ZNF804B: variants seen among roughly 807,000 people sequenced by gnomAD.
The protein encoded by ZNF804B is zinc finger protein 804B, also known as zinc finger 804B.
In ZNF804B, 80 loss-of-function variants were observed where a neutral mutation model predicts 101.4. The ratio of observed to expected loss-of-function variants is 0.79; its 90% confidence interval spans 0.66 to 0.95. The LOEUF is 0.95. Among genes scored for constraint, ZNF804B ranks in the 40% least tolerant of loss-of-function variants. The pLI is 0.00. For missense variants in ZNF804B, 1,673 were observed against 1,561.9 expected (o/e 1.07, Z -1.20); for synonymous variants, 622 against 558.8 (o/e 1.11, Z -1.59).
At chr7:88,837,134 A>G (rs1377797658) in intron 1 of ZNF804B, among the ~76,000 whole-genome samples, 1 of 151,950 alleles carries the variant, frequency 6.6e-6, no homozygotes, top group East Asian at 1.9e-4. Flanking sequence ...GTTGAGAGCT[A>G]AACAATCCCC....
chr7:88,854,114 C>T (rs949349328), intron 1 of ZNF804B, among the ~76,000 whole-genome samples: 1 of 152,064 alleles, frequency 6.6e-6, no homozygotes, highest in Non-Finnish European at 1.5e-5. Context: ...TTTCTTGGGT[C>T]TATCAACATA....
chr7:88,896,738 A>C (rs2115942237), intron 1 of ZNF804B, among the ~76,000 whole-genome samples: 1 of 152,270 alleles, frequency 6.6e-6, no homozygotes, highest in East Asian at 1.9e-4. Flanking sequence ...GCTATAATTG[A>C]TTTGGAATTG....
chr7:89,083,392 A>T (rs1250376429), intron 1 of ZNF804B, among the ~76,000 whole-genome samples: 1 of 151,676 alleles, frequency 6.6e-6, no homozygotes, highest in African/African-American at 2.4e-5. Context: ...CTCCAAATGC[A>T]CTCTCTTGGT....
chr7:89,005,078 T>G (rs1788352776), intron 1 of ZNF804B, among the ~76,000 whole-genome samples: 1 of 152,042 alleles, frequency 6.6e-6, no homozygotes, highest in African/African-American at 2.4e-5. Flanking sequence ...TCATCTTTTC[T>G]TACTAATCCT....
intron 1 of ZNF804B, among the ~76,000 whole-genome samples, chr7:88,913,876 C>T (rs1792589855): frequency 6.6e-6 from 1 of 152,176 alleles, no homozygotes; most frequent in African/African-American, 2.4e-5. Flanking sequence ...TTTGTGAATG[C>T]CTGAGGATTG....
At chr7:89,314,133 C>A (rs1486591358) in intron 2 of ZNF804B, among the ~76,000 whole-genome samples, 1 of 152,040 alleles carries the variant, frequency 6.6e-6, no homozygotes, top group African/African-American at 2.4e-5. Context: ...ACCCTGATAA[C>A]AAATCACATT....
rs530400182 is a variant in ZNF804B at position 88,875,594 on chromosome 7, C to T, written c.108+115510C>T. On this transcript the variant is annotated intron_variant, in intron 1 of 3. Transcript: ENST00000333190. Reference sequence around the variant, plus strand: ...ATAAATTCCTCGACACATACACTCTCCCAAGACTAAACCAGGAAGAAGTTG... The same window carrying T: ...ATAAATTCCTCGACACATACACTCTTCCAAGACTAAACCAGGAAGAAGTTG... Among the ~76,000 whole-genome samples the T allele has an allele frequency of 3.5e-3, 536 of 152,022 alleles. 5 individuals are homozygous for T. The highest frequency in any genetic ancestry group is 1.0e-2 in the South Asian group (48 of 4,812).
intron 2 of ZNF804B, among the ~76,000 whole-genome samples, chr7:89,220,132 C>CAT (rs1342393963): frequency 5.6e-5 from 2 of 35,408 alleles, no homozygotes; most frequent in East Asian, 6.6e-4. Flanking sequence ...TATACGCACA[C>CAT]ATATATGTGT....
At chr7:89,145,332 A>G (rs1790776427) in intron 1 of ZNF804B, among the ~76,000 whole-genome samples, 2 of 152,076 alleles carry the variant, frequency 1.3e-5, no homozygotes, top group Admixed American at 6.6e-5. Context: ...GAGTAGAACC[A>G]TAGCTATTTC....
chr7:88,948,864 T>C (rs1286942010), intron 1 of ZNF804B, among the ~76,000 whole-genome samples: 2 of 151,992 alleles, frequency 1.3e-5, no homozygotes, highest in Non-Finnish European at 2.9e-5. Context: ...TTTTGAGTCC[T>C]GTTTAGGAAA....
rs537676829 is a variant in ZNF804B, at chr7:89,198,899, T to C, written c.109-19256T>C. Among the ~76,000 whole-genome samples, 168 of 152,074 alleles carry C rather than the reference T, an allele frequency of 1.1e-3. 4 individuals carry two copies. In the South Asian group the frequency reaches 0.033, roughly 30 times the overall value. On this transcript the variant is annotated intron_variant, in intron 1 of 3. Coordinates refer to ENST00000333190, the MANE Select transcript of ZNF804B (RefSeq NM_181646.5). The stretch of plus-strand genomic sequence containing the variant: ...GCCTGTTTTCAGTAAGGAAAATGTA[T>C]GTTTAATGCAAAGAACATTATTTCT...
intron 1 of ZNF804B, among the ~76,000 whole-genome samples, chr7:88,988,418 C>G (rs917133566): frequency 2.6e-5 from 4 of 152,054 alleles, no homozygotes; most frequent in African/African-American, 9.7e-5. Context: ...CATATAATGA[C>G]ACTTGATCAG....
intron 1 of ZNF804B, among the ~76,000 whole-genome samples, chr7:88,815,620 A>G (rs141152297): frequency 7.6e-4 from 116 of 151,926 alleles, no homozygotes; most frequent in Middle Eastern, 3.4e-3. Context: ...CTCCTTCCCA[A>G]TGTCCTCCTT....
At chr7:89,075,195 T>C (rs1211054156) in intron 1 of ZNF804B, among the ~76,000 whole-genome samples, 7 of 152,164 alleles carry the variant, frequency 4.6e-5, no homozygotes, top group Non-Finnish European at 1.5e-5. Context: ...GCATAAGTAA[T>C]GAGGAGCCAA....
chr7:88,908,502 AACTG>A (rs1225112507), intron 1 of ZNF804B, among the ~76,000 whole-genome samples: 7 of 151,866 alleles, frequency 4.6e-5, no homozygotes, highest in African/African-American at 1.4e-4. Context: ...ATGGGTTTCA[AACTG>A]ACCAAAAATA....
chr7:88,978,827 C>G (rs949562102), intron 1 of ZNF804B, among the ~76,000 whole-genome samples: 6 of 148,810 alleles, frequency 4.0e-5, no homozygotes, highest in African/African-American at 1.5e-4. Flanking sequence ...TCCCTCCTTC[C>G]TTCCTTCTTT....
chr7:88,978,049 T>A (rs1793641102), intron 1 of ZNF804B, among the ~76,000 whole-genome samples: 1 of 151,836 alleles, frequency 6.6e-6, no homozygotes, highest in African/African-American at 2.4e-5. Context: ...TCAAAGTTTC[T>A]CTTGTCATTG....
Position 89,335,411 on chromosome 7 carries a change from T to G in ZNF804B, c.2429T>G (p.Leu810Arg), listed in dbSNP as rs781747421. ...RYCHCRERQKLGKNQQQFSGL... is the reference protein window; with the variant it reads ...RYCHCRERQKRGKNQQQFSGL... ...TGTCACTGCAGAGAAAGACAAAAAC[T>G]GGGCAAAAATCAACAACAATTTTCA... Residue 810 changes from leucine to arginine, a missense_variant, in exon 4 of 4, where the codon CTG (leucine) becomes CGG (arginine). Leu to Arg is a moderately radical substitution (Grantham distance 102). Transcript: ENST00000333190. The G allele has an allele frequency of 6.2e-7, 1 of 1,613,652 alleles. No homozygotes were observed. Among genetic ancestry groups the G allele is most frequent in the Admixed American group, 1.7e-5 (1 of 59,904 alleles).
intron 1 of ZNF804B, among the ~76,000 whole-genome samples, chr7:89,136,958 CT>C (rs1020183752): frequency 2.0e-5 from 3 of 151,134 alleles, no homozygotes; most frequent in African/African-American, 2.4e-5. Context: ...CAAAAGCTCT[CT>C]TTTTTTTTGC....
Sources: gnomAD v4.1 joint callset for allele counts (sites outside exome capture counted in the v4.1 genomes callset) on GRCh38, gnomAD v4.1.1 for gene constraint, MANE v1.5 for transcripts, NCBI Gene and HGNC (gene_info 2026-07-23, HGNC 2026-07-21) for gene names.